CHMP3: variants seen among roughly 807,000 people sequenced by gnomAD.
CHMP3 encodes the protein 25.1 protein.
Under a neutral mutation model 27.4 loss-of-function variants are expected in CHMP3, and 8 were observed. That is an observed-to-expected ratio of 0.29 (90% CI 0.17 to 0.53). CHMP3 has a LOEUF of 0.53. Among genes scored for constraint, CHMP3 ranks in the 20% least tolerant of loss-of-function variants. The pLI is 0.96. For synonymous variants in CHMP3, 86 were observed against 85.5 expected, an observed-to-expected ratio of 1.01 and a Z score of -0.03; for missense variants, 208 against 271.5, an observed-to-expected ratio of 0.77 and a Z score of 1.64.
At chr2:86,509,341 C>G (rs1244428242) in intron 4 of CHMP3, among the ~76,000 whole-genome samples, 1 of 152,208 alleles carries the variant, frequency 6.6e-6, no homozygotes, top group Non-Finnish European at 1.5e-5. Flanking sequence ...GACATACCCT[C>G]CTGACCCAGT....
At chr2:86,507,273 C>A in intron 5 of CHMP3, 2 of 519,352 alleles carry the variant, frequency 3.9e-6, no homozygotes, top group Non-Finnish European at 6.9e-6. Flanking sequence ...TAAAATCATG[C>A]AAACTCTAAA....
intron 3 of CHMP3, among the ~76,000 whole-genome samples, chr2:86,520,843 T>C (rs1270755824): frequency 6.6e-6 from 1 of 152,172 alleles, no homozygotes; most frequent in African/African-American, 2.4e-5. Flanking sequence ...TCATCACTAT[T>C]GTCAGGCCTC....
At chr2:86,506,191 C>G (rs1389954036) in intron 5 of CHMP3, among the ~76,000 whole-genome samples, 1 of 152,166 alleles carries the variant, frequency 6.6e-6, no homozygotes, top group African/African-American at 2.4e-5. Context: ...ATCTAAATTC[C>G]TAAATGCTAC....
chr2:86,558,833 C>T (rs1213000638), intron 1 of CHMP3, among the ~76,000 whole-genome samples: 1 of 150,550 alleles, frequency 6.6e-6, no homozygotes, highest in Non-Finnish European at 1.5e-5. Context: ...AAATTTCCTT[C>T]ACTTGGCCTC....
intron 1 of CHMP3, among the ~76,000 whole-genome samples, chr2:86,554,033 AT>A (rs1174185795): frequency 2.0e-5 from 3 of 152,194 alleles, no homozygotes; most frequent in Non-Finnish European, 4.4e-5. Flanking sequence ...TTGAGAGGTT[AT>A]TAGGTCCCTT....
At chr2:86,529,644 A>C (rs544143028) in intron 2 of CHMP3, among the ~76,000 whole-genome samples, 4 of 152,204 alleles carry the variant, frequency 2.6e-5, no homozygotes, top group Non-Finnish European at 5.9e-5. Flanking sequence ...ACTGGCCCTA[A>C]GAATTTTTAA....
At chr2:86,520,253 G>A (rs1324329629) in intron 3 of CHMP3, among the ~76,000 whole-genome samples, 1 of 152,168 alleles carries the variant, frequency 6.6e-6, no homozygotes, top group Non-Finnish European at 1.5e-5. Flanking sequence ...AAAGAAAAGA[G>A]GTTTAATCAG....
At chr2:86,546,695 C>T (rs1364323801) in intron 1 of CHMP3, among the ~76,000 whole-genome samples, 1 of 152,152 alleles carries the variant, frequency 6.6e-6, no homozygotes, top group African/African-American at 2.4e-5. Flanking sequence ...GCCTCAGCCT[C>T]CCAAAGTGCT....
chr2:86,510,342 G>A lies in CHMP3; in HGVS notation c.408+16C>T, dbSNP rs1156902109. On this transcript the variant is annotated intron_variant, in intron 4 of 5. Transcript: ENST00000263856. Reference sequence around the variant, plus strand: ...TCTGGGGTTTGGAAAGGAAAGCAGGGCTAGCCCCAAGTCACCTTCATCATT... The same window carrying A: ...TCTGGGGTTTGGAAAGGAAAGCAGGACTAGCCCCAAGTCACCTTCATCATT... 2.5e-6 allele frequency: 4 copies of A among 1,613,742 alleles called. No homozygotes were observed. Among genetic ancestry groups the A allele is most frequent in the Admixed American group, 1.7e-5 (1 of 60,014 alleles).
At chr2:86,541,179 CAA>C (rs368241816) in intron 2 of CHMP3, 19 of 152,064 alleles carry the variant, frequency 1.2e-4, no homozygotes, top group African/African-American at 4.6e-4. Flanking sequence ...AGAGGTTCAA[CAA>C]AGTCTCTTTT....
intron 3 of CHMP3, among the ~76,000 whole-genome samples, chr2:86,525,492 C>T (rs768793536): frequency 6.6e-5 from 10 of 150,738 alleles, no homozygotes; most frequent in South Asian, 2.1e-4. Context: ...GAGATGGCAC[C>T]ACTGCACTCC....
rs1196029951 is a variant in CHMP3 at position 86,545,544 on chromosome 2, G to A, written c.46-3232C>T. On this transcript the variant is annotated intron_variant, in intron 1 of 5. Transcript: ENST00000263856. ...GCGCTCCTCACTTCCCAGACGGGGC[G>A]ACTGCCGGGCAGAGGCGCTCCTCAC... Among the ~76,000 whole-genome samples the A allele has an allele frequency of 1.6e-4, 19 of 116,246 alleles. 1 individual carries two copies. The highest frequency in any genetic ancestry group is 1.3e-3 in the Admixed American group (16 of 12,474). The allele number at this position is 116,246 out of a possible 152,430, so 76.3% of individuals were successfully genotyped here. A position where few individuals can be genotyped will look rare whatever the true frequency, so the allele number is the denominator to read the frequency against.
chr2:86,508,577 TAAGTCCCTTG>T (rs916777869), intron 4 of CHMP3, among the ~76,000 whole-genome samples: 2 of 152,170 alleles, frequency 1.3e-5, no homozygotes, highest in Admixed American at 6.5e-5. Context: ...CTGAAAAAAC[TAAGTCCCTTG>T]CTTTGTACCT....
intron 1 of CHMP3, among the ~76,000 whole-genome samples, chr2:86,553,007 C>T (rs1434328412): frequency 3.7e-4 from 12 of 32,678 alleles, no homozygotes; most frequent in South Asian, 9.4e-4. Context: ...GCCTGTCAGC[C>T]GGGGGTGGAG....
chr2:86,508,432 TC>T (rs1292887826), intron 4 of CHMP3, among the ~76,000 whole-genome samples: 1 of 152,052 alleles, frequency 6.6e-6, no homozygotes, highest in Non-Finnish European at 1.5e-5. Flanking sequence ...AACAGCAACC[TC>T]CAAAGTCAAC....
chr2:86,507,146 G>T, intron 5 of CHMP3: 1 of 187,508 alleles, frequency 5.3e-6, no homozygotes, highest in Non-Finnish European at 1.1e-5. Context: ...TAACAGGCGT[G>T]AGCCATCGCA....
chr2:86,543,637 G>A (rs908198448), intron 1 of CHMP3, among the ~76,000 whole-genome samples: 5 of 152,112 alleles, frequency 3.3e-5, no homozygotes, highest in African/African-American at 1.2e-4. Context: ...TTAAAAATCT[G>A]TCTTCCTTTA....
intron 1 of CHMP3, among the ~76,000 whole-genome samples, chr2:86,551,502 C>T (rs1166347957): frequency 1.3e-5 from 2 of 152,116 alleles, no homozygotes; most frequent in African/African-American, 4.8e-5. Context: ...GGGGATCTGC[C>T]CACCTCGGCC....
chr2:86,521,141 C>T (rs1371701764), intron 3 of CHMP3, among the ~76,000 whole-genome samples: 4 of 152,174 alleles, frequency 2.6e-5, no homozygotes, highest in Non-Finnish European at 2.9e-5. Context: ...TTAACTTCAC[C>T]GCCTATCCCC....
Sources: allele counts gnomAD v4.1 joint callset (sites outside exome capture counted in the v4.1 genomes callset), GRCh38; gene constraint gnomAD v4.1.1; transcripts MANE v1.5; gene names NCBI Gene and HGNC (gene_info 2026-07-23, HGNC 2026-07-21).